Variants in BCL7B observed in about 807,000 individuals in gnomAD.
The protein encoded by BCL7B is BAF chromatin remodeling complex subunit BCL7B.
In BCL7B, 11 loss-of-function variants were observed where a neutral mutation model predicts 26.5. That is an observed-to-expected ratio of 0.42 (90% CI 0.26 to 0.69). The LOEUF (loss-of-function observed/expected upper bound fraction) is 0.69, where lower values mean the gene tolerates loss of function less well. Among genes scored for constraint, BCL7B ranks in the 30% least tolerant of loss-of-function variants. The pLI, the probability that BCL7B is intolerant of heterozygous loss-of-function variation, is 0.28. For synonymous variants in BCL7B, 111 were observed against 107.9 expected (o/e 1.03, Z -0.18); for missense variants, 215 against 264.4 (o/e 0.81, Z 1.30).
chr7:73,538,489 G>A (rs537160138), intron 4 of BCL7B, among the ~76,000 whole-genome samples: 32 of 152,206 alleles, frequency 2.1e-4, no homozygotes, highest in Admixed American at 1.7e-3. Flanking sequence ...GGTAACAAGG[G>A]CCTAAGACAC....
intron 1 of BCL7B, among the ~76,000 whole-genome samples, chr7:73,553,970 CTT>C (rs34326622): frequency 5.3e-4 from 68 of 127,746 alleles, no homozygotes; most frequent in Non-Finnish European, 5.2e-4. Context: ...ACAAAGGAGA[CTT>C]TTTTTTTTTT....
chr7:73,542,806 A>G (rs1303671150), intron 3 of BCL7B: 2 of 411,334 alleles, frequency 4.9e-6, no homozygotes, highest in Non-Finnish European at 9.6e-6. Flanking sequence ...AGTCTAGGCC[A>G]GGTGCAGTGG....
chr7:73,537,192 C>A lies in BCL7B; in HGVS notation c.*106G>T. 1.9e-6 allele frequency: 2 copies of A among 1,065,804 alleles called. No homozygotes were observed. Among genetic ancestry groups the A allele is most frequent in the South Asian group, 2.8e-5 (2 of 71,692 alleles). 66.0% of individuals were successfully genotyped at this position (1,065,804 alleles called of 1,614,324 possible). A position where few individuals can be genotyped will look rare whatever the true frequency, so the allele number is the denominator to read the frequency against. The stretch of plus-strand genomic sequence containing the variant: ...TTCCAGCCCGGAAGGCTCATGTGTG[C>A]AGGCTCTTGACCCCAGTGCTTGCCC... On this transcript the variant is annotated 3_prime_UTR_variant, in exon 6 of 6. Coordinates refer to ENST00000223368, the MANE Select transcript of BCL7B (RefSeq NM_001707.4).
intron 3 of BCL7B, among the ~76,000 whole-genome samples, chr7:73,541,600 T>A (rs542434402): frequency 6.6e-6 from 1 of 152,122 alleles, no homozygotes; most frequent in South Asian, 2.1e-4. Flanking sequence ...CTTGAGTAGC[T>A]GGGATTACAG....
intron 1 of BCL7B, chr7:73,557,130 A>T: frequency 1.0e-6 from 1 of 1,000,460 alleles, no homozygotes; most frequent in South Asian, 4.7e-5. Flanking sequence ...GGAAGCCTGG[A>T]AACGCAGGCG....
intron 3 of BCL7B, chr7:73,540,284 CTTCTT>C: frequency 4.1e-6 from 2 of 485,034 alleles, no homozygotes; most frequent in South Asian, 5.9e-5. Flanking sequence ...TTATTAAACT[CTTCTT>C]TATTATCCAC....
chr7:73,557,077 T>C, intron 1 of BCL7B: 3 of 989,066 alleles, frequency 3.0e-6, no homozygotes, highest in South Asian at 4.7e-5. Flanking sequence ...GCGCTCAGCC[T>C]GGCGGGCTGA....
chr7:73,552,565 G>C (rs930771963), intron 1 of BCL7B, among the ~76,000 whole-genome samples: 1 of 151,980 alleles, frequency 6.6e-6, no homozygotes, highest in Non-Finnish European at 1.5e-5. Flanking sequence ...GATCGCTTGA[G>C]GTCAGGAGTT....
At chr7:73,552,358 TTCCTCTTG>T (rs1296808433) in intron 1 of BCL7B, 116 bp from the exon 2 acceptor site, 2 of 833,494 alleles carry the variant, frequency 2.4e-6, no homozygotes, top group Non-Finnish European at 3.9e-6. Context: ...CCTTCTGAAC[TTCCTCTTG>T]GTGGGGTATG....
chr7:73,540,147 C>A, intron 3 of BCL7B, 95 bp from the exon 4 acceptor site: 1 of 1,349,358 alleles, frequency 7.4e-7, no homozygotes. Flanking sequence ...TCACTTTAGG[C>A]AGCCAAGGAT....
intron 4 of BCL7B, among the ~76,000 whole-genome samples, chr7:73,538,835 A>AAAAG (rs1380254430): frequency 1.3e-5 from 2 of 151,174 alleles, no homozygotes; most frequent in African/African-American, 4.9e-5. Context: ...AAAAAAAAAA[A>AAAAG]AAAGAAAAGA....
At chr7:73,550,949 G>A (rs112545442) in intron 2 of BCL7B, among the ~76,000 whole-genome samples, 6,497 of 152,178 alleles carry the variant, frequency 0.043, 185 homozygotes, top group Non-Finnish European at 0.066. Flanking sequence ...GAGCCACCAC[G>A]CCCGGCCCAC....
At chr7:73,539,408 C>T (rs555418380) in intron 4 of BCL7B, among the ~76,000 whole-genome samples, 6 of 151,862 alleles carry the variant, frequency 4.0e-5, no homozygotes, top group African/African-American at 9.7e-5. Flanking sequence ...CATGCCACCA[C>T]GCCCAACTAA....
At chr7:73,542,304 T>C (rs931938013) in intron 3 of BCL7B, among the ~76,000 whole-genome samples, 5 of 152,298 alleles carry the variant, frequency 3.3e-5, no homozygotes, top group Admixed American at 3.3e-4. Context: ...GAACACACGT[T>C]GGTGTTCCCT....
chr7:73,539,115 A>G (rs1412187864), intron 4 of BCL7B, among the ~76,000 whole-genome samples: 1 of 152,048 alleles, frequency 6.6e-6, no homozygotes, highest in East Asian at 1.9e-4. Context: ...TTGCGCCACC[A>G]TGCCTGGCTA....
At chr7:73,549,162 C>T (rs1792067108) in intron 2 of BCL7B, among the ~76,000 whole-genome samples, 1 of 152,112 alleles carries the variant, frequency 6.6e-6, no homozygotes, top group Admixed American at 6.6e-5. Flanking sequence ...GGGCATTGTT[C>T]CTATTGGCCC....
chr7:73,550,416 G>T (rs1379892979), intron 2 of BCL7B, among the ~76,000 whole-genome samples: 1 of 151,574 alleles, frequency 6.6e-6, no homozygotes, highest in Admixed American at 6.6e-5. Context: ...GTGGTGGCAG[G>T]CGCCTGTAAT....
chr7:73,543,132 C>T (rs1477695706), intron 3 of BCL7B, among the ~76,000 whole-genome samples: 1 of 151,784 alleles, frequency 6.6e-6, no homozygotes, highest in Non-Finnish European at 1.5e-5. Context: ...TCAAGTGCCT[C>T]GCAAAATACC....
chr7:73,544,415 A>G (rs1281825239), intron 2 of BCL7B, among the ~76,000 whole-genome samples: 1 of 151,890 alleles, frequency 6.6e-6, no homozygotes, highest in Non-Finnish European at 1.5e-5. Flanking sequence ...TCCATCTAAA[A>G]AAACATAAAA....
Sources: gnomAD v4.1 joint callset for allele counts (sites outside exome capture counted in the v4.1 genomes callset) on GRCh38, gnomAD v4.1.1 for gene constraint, MANE v1.5 for transcripts, NCBI Gene and HGNC (gene_info 2026-07-23, HGNC 2026-07-21) for gene names.